OR13C3: variants seen among roughly 807,000 people sequenced by gnomAD.
OR13C3 encodes olfactory receptor family 13 subfamily C member 3.
OR13C3 carries 19 observed loss-of-function variants against 14.4 expected under a neutral mutation model. The observed-to-expected ratio is 1.31, with a 90% CI of 0.92 to 1.93. OR13C3 has a LOEUF of 1.93. Among genes scored for constraint, OR13C3 ranks in the 30% most tolerant of loss-of-function variants. The pLI, the probability that OR13C3 is intolerant of heterozygous loss-of-function variation, is 0.00. For synonymous variants in OR13C3, 140 were observed against 142.5 expected, an observed-to-expected ratio of 0.98 and a Z score of 0.12; for missense variants, 394 against 381.4, an observed-to-expected ratio of 1.03 and a Z score of -0.27.
rs1828813988 is a variant in OR13C3, at chr9:104,536,156, C to CG, written c.567_568insC (p.Ala190ArgfsTer2). ...GTGATAATATTGAGGGATATATCAG[C>CG]ACAGGCCAGCTTGAGGACAGCTAAT... On this transcript the variant is annotated frameshift_variant, in exon 1 of 1. Transcript: ENST00000641090. LOFTEE classifies it high-confidence loss of function. The CG allele has an allele frequency of 6.2e-7, 1 of 1,614,052 alleles. No homozygotes were observed. The highest frequency in any genetic ancestry group is 2.2e-5 in the East Asian group (1 of 44,874).
exon 1 of OR13C3, chr9:104,535,877 A>G: frequency 1.2e-6 from 2 of 1,613,700 alleles, no homozygotes; most frequent in African/African-American, 2.7e-5. Flanking sequence ...ACCCCATAAA[A>G]CAGAGAAATG....
chr9:104,536,581 G>A, exon 1 of OR13C3: 3 of 1,613,934 alleles, frequency 1.9e-6, no homozygotes, highest in Non-Finnish European at 2.5e-6. Context: ...AAAGATGCTG[G>A]CTATGATTAG....
chr9:104,536,252 C>G, exon 1 of OR13C3: 2 of 1,614,070 alleles, frequency 1.2e-6, no homozygotes, highest in Non-Finnish European at 1.7e-6. Context: ...AATGTTTGCA[C>G]AGCTGAATTT....
chr9:104,536,083 A>G (rs780115019), exon 1 of OR13C3: 16 of 1,614,036 alleles, frequency 9.9e-6, no homozygotes, highest in Non-Finnish European at 8.5e-7. Flanking sequence ...GGAGAAAAAA[A>G]TGACCATCAG....
chr9:104,536,689 A>C (rs771078847), exon 1 of OR13C3: 7 of 1,613,996 alleles, frequency 4.3e-6, no homozygotes, highest in Non-Finnish European at 3.4e-6. Context: ...CAGAAGAAGA[A>C]ATTCTGACAC....
chr9:104,536,209 T>C (rs1418886008), exon 1 of OR13C3: 2 of 1,614,124 alleles, frequency 1.2e-6, no homozygotes, highest in Non-Finnish European at 1.7e-6. Flanking sequence ...ATTGATAATA[T>C]TATTCCCACA....
exon 1 of OR13C3, chr9:104,535,818 A>G (rs1297925948): frequency 6.2e-7 from 1 of 1,613,280 alleles, no homozygotes; most frequent in Admixed American, 1.7e-5. Flanking sequence ...CAGCTTTTAC[A>G]TCCTTATTTC....
chr9:104,536,423 T>C, exon 1 of OR13C3: 5 of 1,614,100 alleles, frequency 3.1e-6, no homozygotes, highest in Non-Finnish European at 4.2e-6. Flanking sequence ...CCAAAGAACA[T>C]CTGCACTGCA....
chr9:104,536,589 T>TAGA, exon 1 of OR13C3: 1 of 1,613,832 alleles, frequency 6.2e-7, no homozygotes, highest in Non-Finnish European at 8.5e-7. Context: ...TGGCTATGAT[T>TAGA]AGAACACCAT....
At chr9:104,536,326 G>A (rs1564208700) in exon 1 of OR13C3, 1 of 1,614,092 alleles carries the variant, frequency 6.2e-7, no homozygotes. Flanking sequence ...CAGGATGATG[G>A]GGTATCTCAG....
exon 1 of OR13C3, chr9:104,535,984 ACAGTCAGGTGAG>A (rs1461838519): frequency 6.2e-7 from 1 of 1,613,948 alleles, no homozygotes; most frequent in South Asian, 1.1e-5. Context: ...TATGATCACC[ACAGTCAGGTGAG>A]CTGAGCACGT....
At chr9:104,536,144 G>A (rs1564208614) in exon 1 of OR13C3, 1 of 1,613,658 alleles carries the variant, frequency 6.2e-7, no homozygotes, top group Non-Finnish European at 8.5e-7. Context: ...ATAATATTGA[G>A]GGATATATCA....
chr9:104,536,251 A>T, exon 1 of OR13C3: 4 of 1,614,106 alleles, frequency 2.5e-6, no homozygotes, highest in Non-Finnish European at 3.4e-6. Context: ...TAATGTTTGC[A>T]CAGCTGAATT....
exon 1 of OR13C3, chr9:104,536,390 A>G: frequency 6.2e-7 from 1 of 1,614,176 alleles, no homozygotes; most frequent in Non-Finnish European, 8.5e-7. Context: ...AGAAGCAGAC[A>G]TTCTGTTGAC....
chr9:104,536,331 T>A, exon 1 of OR13C3: 1 of 1,614,104 alleles, frequency 6.2e-7, no homozygotes, highest in Non-Finnish European at 8.5e-7. Flanking sequence ...TGATGGGGTA[T>A]CTCAGTGGGT....
exon 1 of OR13C3, chr9:104,535,965 A>G (rs1177609031): frequency 1.9e-6 from 3 of 1,613,996 alleles, no homozygotes; most frequent in Non-Finnish European, 2.5e-6. Context: ...AGAAGATGGT[A>G]CCGTAAAATA....
Position 104,536,652 on chromosome 9 carries a change from C to T in OR13C3, c.72G>A (p.Glu24=), listed in dbSNP as rs780081727. The T allele has an allele frequency of 2.5e-6, 4 of 1,613,942 alleles. No homozygotes were observed. The South Asian group carries it at 3.3e-5, about 13-fold the overall frequency. ...CTAGAATGAGAGCAAAGTAAACAAT[C>T]TCAATCTTTGGGTATCCAGAAAGAC... The change falls in exon 1 of 1, where the codon GAG becomes GAA. Residue 24 remains glutamate, a synonymous_variant. Coordinates refer to ENST00000641090, the Ensembl canonical transcript of OR13C3.
Position 104,536,708 on chromosome 9 carries a change from G to A in OR13C3, c.16C>T (p.Gln6Ter). Residue 6 changes from glutamine (Q) to a stop codon, truncating the protein, a stop_gained, in exon 1 of 1, where the codon CAG becomes TAG. Transcript: ENST00000641090. LOFTEE classifies it high-confidence loss of function. ...AGAAGAAATTCTGACACAAGTGTCTGGTTAATCTCACCCATGTCATCTGCT... is the reference window on the plus strand; with the variant it reads ...AGAAGAAATTCTGACACAAGTGTCTAGTTAATCTCACCCATGTCATCTGCT... 6.2e-7 allele frequency: 1 copy of A among 1,613,702 alleles called. No homozygotes were observed. The highest frequency in any genetic ancestry group is 8.5e-7 in the Non-Finnish European group (1 of 1,179,742).
exon 1 of OR13C3, chr9:104,535,924 A>C: frequency 6.2e-7 from 1 of 1,614,168 alleles, no homozygotes; most frequent in Middle Eastern, 1.6e-4. Flanking sequence ...TTCCCCAATC[A>C]GGTCTTGAGA....
Sources: allele counts gnomAD v4.1 joint callset, GRCh38; gene constraint gnomAD v4.1.1; transcripts MANE v1.5; gene names NCBI Gene and HGNC (gene_info 2026-07-23, HGNC 2026-07-21).